The following NCOR2 variants were observed in gnomAD, a reference collection of about 807,000 sequenced individuals.
The protein encoded by NCOR2 is CTG repeat protein 26.
NCOR2 carries 81 observed loss-of-function variants against 262.9 expected under a neutral mutation model. The observed-to-expected ratio is 0.31, with a 90% CI of 0.26 to 0.37. NCOR2 has a LOEUF of 0.37. NCOR2 is among the 10% of genes least tolerant of loss of function. The pLI, the probability that NCOR2 is intolerant of heterozygous loss-of-function variation, is 1.00. For missense variants in NCOR2, 3,385 were observed against 3,621.4 expected (o/e 0.93, Z 1.68); for synonymous variants, 1,659 against 1,559.3 (o/e 1.06, Z -1.51).
At chr12:124,420,742 A>G (rs2043158999) in intron 12 of NCOR2, among the ~76,000 whole-genome samples, 1 of 152,160 alleles carries the variant, frequency 6.6e-6, no homozygotes, top group Non-Finnish European at 1.5e-5. Context: ...GCGGGCATGG[A>G]GCCCAGCTTG....
intron 1 of NCOR2, chr12:124,561,901 A>G (rs911282016): frequency 6.6e-6 from 1 of 152,242 alleles, no homozygotes; most frequent in Admixed American, 6.5e-5. Flanking sequence ...CTGTCGTCTC[A>G]GCTATTTGGG....
intron 16 of NCOR2, among the ~76,000 whole-genome samples, chr12:124,395,177 G>A (rs1288509937): frequency 6.6e-6 from 1 of 152,154 alleles, no homozygotes; most frequent in Non-Finnish European, 1.5e-5. Context: ...GTAAAGGATG[G>A]GCAGAGACCA....
intron 5 of NCOR2, among the ~76,000 whole-genome samples, chr12:124,460,836 T>C (rs2046123879): frequency 6.6e-6 from 1 of 152,218 alleles, no homozygotes; most frequent in Non-Finnish European, 1.5e-5. Flanking sequence ...GTGGCTGATA[T>C]CTCCACATCT....
intron 12 of NCOR2, among the ~76,000 whole-genome samples, chr12:124,420,969 C>G (rs1037910490): frequency 6.6e-6 from 1 of 152,258 alleles, no homozygotes; most frequent in Admixed American, 6.5e-5. Context: ...ACCCAGCCCA[C>G]AAACATGGCA....
At position 124,481,505 on chromosome 12, in the gene NCOR2, G is replaced by A. The variant is rs2047484110; in HGVS notation, c.411+2091C>T. Among the ~76,000 whole-genome samples the A allele has an allele frequency of 6.6e-6, 1 of 152,196 alleles. No individual in the cohort carries two copies. Among genetic ancestry groups the A allele is most frequent in the Admixed American group, 6.5e-5 (1 of 15,294 alleles). ...CCATGCAGGCCCTGGAGGGCAGCCAGGGCTGGAAGGAGCGAGGAAAGAGGA... is the reference window on the plus strand; with the variant it reads ...CCATGCAGGCCCTGGAGGGCAGCCAAGGCTGGAAGGAGCGAGGAAAGAGGA... On this transcript the variant is annotated intron_variant, in intron 3 of 46. Transcript: ENST00000405201. This position sits in a 1 kb window ranked among gnomAD's most constrained non-coding sequence, Gnocchi z 4.6.
chr12:124,495,435 C>T (rs915167303), upstream of NCOR2: 5 of 1,245,110 alleles, frequency 4.0e-6, no homozygotes, highest in Middle Eastern at 2.9e-4. The surrounding 1 kb of genome is among the most constrained non-coding windows in gnomAD (Gnocchi z 4.4). Context: ...GTGCACAGGT[C>T]CCCGAGTCGT....
chr12:124,385,168 G>A (rs1047582404), intron 17 of NCOR2, among the ~76,000 whole-genome samples: 1 of 152,148 alleles, frequency 6.6e-6, no homozygotes, highest in African/African-American at 2.4e-5. Flanking sequence ...ACACGCTGGC[G>A]AGGCGAGCCT....
At chr12:124,340,416 G>A in exon 36 of NCOR2, 1 of 1,612,978 alleles carries the variant, frequency 6.2e-7, no homozygotes, top group African/African-American at 1.3e-5. Context: ...GGACGTGGTG[G>A]TTGGTTTTGT....
rs1226237892 is a variant in NCOR2 at position 124,432,512 on chromosome 12, G to A, written c.883-1725C>T. ...CTTCCAGTGTCCAGCAGCCACATGC[G>A]GCTGGGGCTCCGGCCGCACCAGACA... On this transcript the variant is annotated intron_variant, in intron 8 of 46. Coordinates refer to ENST00000405201, the Ensembl canonical transcript of NCOR2. The surrounding 1 kb of genome is among the most constrained non-coding windows in gnomAD (Gnocchi z 5.1). Among the ~76,000 whole-genome samples, 1 of 152,138 alleles carries A rather than the reference G, an allele frequency of 6.6e-6. No homozygotes were observed. The highest frequency in any genetic ancestry group is 2.4e-5 in the African/African-American group (1 of 41,432).
rs1002504544 is a variant in NCOR2 at position 124,333,057 on chromosome 12, G to A, written c.6755+73C>T. 2.1e-5 allele frequency: 32 copies of A among 1,506,870 alleles called. 1 individual carries two copies. The highest frequency in any genetic ancestry group is 4.6e-5 in the East Asian group (2 of 43,076). 93.3% of individuals were successfully genotyped at this position (1,506,870 alleles called of 1,614,324 possible). On this transcript the variant is annotated intron_variant, in intron 42 of 46. Coordinates refer to ENST00000405201, the Ensembl canonical transcript of NCOR2. The stretch of plus-strand genomic sequence containing the variant: ...CTTGTCACTCTCCACATGGCACCAC[G>A]GTGGACTGGGGCCAAGGATGGGCAA...
exon 47 of NCOR2, chr12:124,324,760 TTCCTTCC>T (rs1389480422): frequency 6.6e-6 from 1 of 152,550 alleles, no homozygotes; most frequent in Non-Finnish European, 1.5e-5. Flanking sequence ...ACATCTGCCT[TTCCTTCC>T]CACCGCTGCG....
At chr12:124,466,457 G>T (rs2046424742) in intron 4 of NCOR2, among the ~76,000 whole-genome samples, 171 bp from the exon 7 acceptor site, 1 of 152,132 alleles carries the variant, frequency 6.6e-6, no homozygotes, top group Non-Finnish European at 1.5e-5. Context: ...ACCCGGGAGA[G>T]GCCCCAGCTC....
At chr12:124,506,477 C>G (rs1414488962) in intron 1 of NCOR2, among the ~76,000 whole-genome samples, 2 of 151,984 alleles carry the variant, frequency 1.3e-5, no homozygotes, top group African/African-American at 2.4e-5. Flanking sequence ...TTCCTCCTCC[C>G]CTCCTTTTTT....
Position 124,566,119 on chromosome 12 carries a change from C to A in NCOR2, c.-165+1189G>T, listed in dbSNP as rs1357902928. Among the ~76,000 whole-genome samples the A allele has an allele frequency of 6.6e-6, 1 of 152,160 alleles. No homozygotes were observed. Among genetic ancestry groups the A allele is most frequent in the African/African-American group, 2.4e-5 (1 of 41,436 alleles). ...GCCCACAGGGTCCTCCCCTTATCCCCTCCTCCCCTCTTCCCTCCCTCACAC... is the reference window on the plus strand; with the variant it reads ...GCCCACAGGGTCCTCCCCTTATCCCATCCTCCCCTCTTCCCTCCCTCACAC... On this transcript the variant is annotated intron_variant, in intron 1 of 32. Coordinates refer to the NCOR2 transcript ENST00000458234. This position sits in a 1 kb window ranked among gnomAD's most constrained non-coding sequence, Gnocchi z 4.3.
intron 1 of NCOR2, among the ~76,000 whole-genome samples, chr12:124,564,146 A>C (rs188944121): frequency 1.5e-3 from 222 of 152,360 alleles, no homozygotes; most frequent in African/African-American, 4.6e-3. Context: ...AGCCTTTTCC[A>C]ACATGGAGGC....
rs149076094 is a variant in NCOR2, at chr12:124,435,331, C to T, written c.882+2599G>A. ...CTCTTAACTTGATAAACAGATTGGA[C>T]GCTCGTTTCAAGAGCCTCTCGCACC... On this transcript the variant is annotated intron_variant, in intron 8 of 46. Transcript: ENST00000405201. 3.5e-3 allele frequency among the ~76,000 whole-genome samples: 537 copies of T among 152,352 alleles called. 6 individuals carry two copies. The highest frequency in any genetic ancestry group is 0.012 in the African/African-American group (499 of 41,574).
At chr12:124,363,044 G>T (rs2135971232) in intron 21 of NCOR2, among the ~76,000 whole-genome samples, 1 of 152,398 alleles carries the variant, frequency 6.6e-6, no homozygotes, top group East Asian at 1.9e-4. Flanking sequence ...CTCTCCTCCA[G>T]CTCCTTCTGT....
intron 1 of NCOR2, among the ~76,000 whole-genome samples, chr12:124,501,978 G>A (rs577851274): frequency 3.1e-4 from 47 of 152,350 alleles, no homozygotes; most frequent in Non-Finnish European, 5.3e-4. Context: ...AAGACGCTGC[G>A]GAGCGCCAGC....
chr12:124,400,466 C>T, intron 15 of NCOR2, 35 bp downstream of exon 17: 1 of 1,602,496 alleles, frequency 6.2e-7, no homozygotes, highest in Admixed American at 1.7e-5. Context: ...TGTCTCCAGC[C>T]CCTTCCCCAC....
Sources: gnomAD v4.1 joint callset for allele counts (sites outside exome capture counted in the v4.1 genomes callset) on GRCh38, gnomAD v4.1.1 for gene constraint, Gnocchi (gnomAD v3.1) non-coding constraint, MANE v1.5 for transcripts, NCBI Gene and HGNC (gene_info 2026-07-23, HGNC 2026-07-21) for gene names.